The following SCHIP1 variants were observed in gnomAD, a reference collection of about 807,000 sequenced individuals.
SCHIP1 encodes schwannomin-interacting protein 1.
A neutral mutation model predicts 29.7 loss-of-function variants in SCHIP1; 8 were observed. The observed-to-expected ratio is 0.27, with a 90% confidence interval of 0.16 to 0.49. SCHIP1 has a LOEUF of 0.49. Among genes scored for constraint, SCHIP1 ranks in the 20% least tolerant of loss-of-function variants. The pLI, the probability that SCHIP1 is intolerant of heterozygous loss-of-function variation, is 0.99. For missense variants in SCHIP1, 193 were observed against 294.6 expected, an observed-to-expected ratio of 0.66 and a Z score of 2.52; for synonymous variants, 76 against 94.9, an observed-to-expected ratio of 0.80 and a Z score of 1.16.
chr3:159,830,214 C>A, the SCHIP1 span, among the ~76,000 whole-genome samples: 1 of 152,200 alleles, frequency 6.6e-6, no homozygotes, highest in Non-Finnish European at 1.5e-5. Flanking sequence ...TTATAACTGA[C>A]ATCTATAAAT....
the SCHIP1 span, among the ~76,000 whole-genome samples, chr3:159,590,403 C>G: frequency 6.6e-6 from 1 of 152,058 alleles, no homozygotes; most frequent in East Asian, 1.9e-4. Context: ...TGGTGAAACC[C>G]CATTTCTGCT....
chr3:159,754,973 C>A, the SCHIP1 span, among the ~76,000 whole-genome samples: 8 of 152,206 alleles, frequency 5.3e-5, no homozygotes, highest in Admixed American at 3.9e-4. Context: ...CGGTGGCTCA[C>A]GCCTGTAATC....
chr3:159,790,814 C>T, the SCHIP1 span, among the ~76,000 whole-genome samples: 1 of 152,106 alleles, frequency 6.6e-6, no homozygotes, highest in Non-Finnish European at 1.5e-5. Context: ...TTCCCCTAAG[C>T]TTTGGCTTTC....
chr3:159,669,479 A>G, the SCHIP1 span, among the ~76,000 whole-genome samples: 2 of 152,338 alleles, frequency 1.3e-5, no homozygotes, highest in South Asian at 4.1e-4. Context: ...ATGTGATGTG[A>G]TAGGATTCTG....
At chr3:159,515,436 T>C in the SCHIP1 span, among the ~76,000 whole-genome samples, 8 of 152,348 alleles carry the variant, frequency 5.3e-5, no homozygotes, top group East Asian at 1.2e-3. Context: ...GAGCACAGCT[T>C]CTGGTTTAAA....
At chr3:159,613,995 C>T in the SCHIP1 span, among the ~76,000 whole-genome samples, 6 of 152,214 alleles carry the variant, frequency 3.9e-5, no homozygotes, top group Admixed American at 6.5e-5. Flanking sequence ...CTGTTCTAAG[C>T]GCATACGTAT....
At chr3:159,520,458 C>G in the SCHIP1 span, among the ~76,000 whole-genome samples, 2 of 152,158 alleles carry the variant, frequency 1.3e-5, no homozygotes, top group Non-Finnish European at 2.9e-5. Context: ...CTCAAAAAGC[C>G]AGATCTGACT....
chr3:159,442,357 G>A, the SCHIP1 span, among the ~76,000 whole-genome samples: 1 of 152,138 alleles, frequency 6.6e-6, no homozygotes, highest in Admixed American at 6.5e-5. Context: ...GGAAGAGTCT[G>A]GTCAGGATAG....
At chr3:159,731,434 T>A in the SCHIP1 span, among the ~76,000 whole-genome samples, 8 of 152,118 alleles carry the variant, frequency 5.3e-5, no homozygotes, top group East Asian at 1.5e-3. Context: ...GCCAAGGGAG[T>A]CCAAGAGGTG....
chr3:159,307,033 G>C, the SCHIP1 span, among the ~76,000 whole-genome samples: 2 of 152,140 alleles, frequency 1.3e-5, no homozygotes, highest in Non-Finnish European at 2.9e-5. Flanking sequence ...GAGAAAAAAT[G>C]TTCATTGCAG....
chr3:159,884,349 CTG>C (rs10661642), intron 2 of SCHIP1, among the ~76,000 whole-genome samples: 12,038 of 140,482 alleles, frequency 0.086, 487 homozygotes, highest in African/African-American at 0.1. Context: ...GTGTCTGTGT[CTG>C]TGTGTGTGTG....
At chr3:159,765,997 T>G in the SCHIP1 span, among the ~76,000 whole-genome samples, 2 of 152,296 alleles carry the variant, frequency 1.3e-5, no homozygotes, top group South Asian at 4.1e-4. Context: ...TCTCAACATC[T>G]TTTTTGCCCC....
chr3:159,394,176 C>T, the SCHIP1 span, among the ~76,000 whole-genome samples: 15 of 149,324 alleles, frequency 1.0e-4, no homozygotes, highest in African/African-American at 3.0e-4. Flanking sequence ...TATCCTGACA[C>T]TTTGCTGAAG....
At chr3:159,671,974 T>G in the SCHIP1 span, among the ~76,000 whole-genome samples, 1 of 152,200 alleles carries the variant, frequency 6.6e-6, no homozygotes, top group African/African-American at 2.4e-5. Context: ...GAATGTGTGA[T>G]CATATTAACT....
At chr3:159,399,002 C>T in the SCHIP1 span, 1 of 957,828 alleles carries the variant, frequency 1.0e-6, no homozygotes, top group Non-Finnish European at 1.2e-6. Flanking sequence ...ACTGTTCCCA[C>T]TCTAACCTTA....
rs149240950 is a variant in SCHIP1 at position 159,840,700 on chromosome 3, T to C, written c.30+486T>C. Among the ~76,000 whole-genome samples the C allele has an allele frequency of 2.9e-3, 440 of 152,356 alleles. 3 individuals are homozygous for C. The highest frequency in any genetic ancestry group is 9.2e-3 in the African/African-American group (382 of 41,578). ...CAAAAATCAGCCAGTATGCACTTGA[T>C]GTTTAAAGTTGCACTTGTGTGTCTT... On this transcript the variant is annotated intron_variant, in intron 1 of 6. Coordinates refer to ENST00000445224, the Ensembl canonical transcript of SCHIP1.
At chr3:159,782,022 G>A in the SCHIP1 span, among the ~76,000 whole-genome samples, 1 of 152,230 alleles carries the variant, frequency 6.6e-6, no homozygotes. Flanking sequence ...GCTGTGATGG[G>A]CATGACTTGG....
the SCHIP1 span, among the ~76,000 whole-genome samples, chr3:159,380,164 C>T: frequency 2.0e-5 from 3 of 152,086 alleles, no homozygotes; most frequent in Non-Finnish European, 4.4e-5. Flanking sequence ...TTGTGAAGTT[C>T]TTTCATTGAA....
At chr3:159,711,073 G>T in the SCHIP1 span, among the ~76,000 whole-genome samples, 1 of 152,070 alleles carries the variant, frequency 6.6e-6, no homozygotes, top group Non-Finnish European at 1.5e-5. Flanking sequence ...AATAACACTA[G>T]TTTCATTGTT....
Sources: allele counts gnomAD v4.1 joint callset (sites outside exome capture counted in the v4.1 genomes callset), GRCh38; gene constraint gnomAD v4.1.1; transcripts MANE v1.5; gene names NCBI Gene and HGNC (gene_info 2026-07-23, HGNC 2026-07-21).